ZNF704: variants seen among roughly 807,000 people sequenced by gnomAD.
The protein encoded by ZNF704 is zinc finger protein 704.
In ZNF704, 10 loss-of-function variants were observed where a neutral mutation model predicts 44.7. That is an observed-to-expected ratio of 0.22 (90% CI 0.14 to 0.38). The LOEUF (loss-of-function observed/expected upper bound fraction) is 0.38. Among genes scored for constraint, ZNF704 ranks in the 10% least tolerant of loss-of-function variants. ZNF704 has a pLI of 1.00. For synonymous variants in ZNF704, 211 were observed against 207.6 expected (o/e 1.02, Z -0.14); for missense variants, 390 against 545.5 (o/e 0.71, Z 2.84).
At chr8:80,836,614 A>C (rs1445931248) in intron 1 of ZNF704, among the ~76,000 whole-genome samples, 1 of 151,916 alleles carries the variant, frequency 6.6e-6, no homozygotes, top group African/African-American at 2.4e-5. Flanking sequence ...CCGTCTCTAC[A>C]AAAAATTAAA....
intron 5 of ZNF704, among the ~76,000 whole-genome samples, chr8:80,670,282 T>G (rs998801332): frequency 6.6e-6 from 1 of 152,206 alleles, no homozygotes; most frequent in East Asian, 1.9e-4. Context: ...AGTGACTCAG[T>G]AAGTGAACTA....
upstream of ZNF704, among the ~76,000 whole-genome samples, chr8:80,876,166 C>A (rs1809354079): frequency 6.6e-6 from 1 of 152,186 alleles, no homozygotes; most frequent in African/African-American, 2.4e-5. Flanking sequence ...CCTCAGATGC[C>A]ACCACCAGAT....
intron 1 of ZNF704, among the ~76,000 whole-genome samples, chr8:80,831,056 G>C (rs1808464994): frequency 1.3e-5 from 2 of 152,100 alleles, no homozygotes; most frequent in African/African-American, 4.8e-5. Context: ...ACCCGGCCTA[G>C]AGGGTGTATT....
At chr8:80,648,019 T>C (rs979324521) in intron 7 of ZNF704, among the ~76,000 whole-genome samples, 6 of 152,188 alleles carry the variant, frequency 3.9e-5, no homozygotes, top group African/African-American at 9.7e-5. Context: ...GCCTTCTCGC[T>C]GTGTCATCCC....
chr8:80,682,092 T>G (rs1214865217), intron 4 of ZNF704, among the ~76,000 whole-genome samples: 1 of 152,220 alleles, frequency 6.6e-6, no homozygotes, highest in African/African-American at 2.4e-5. Context: ...ACAGCCGTTC[T>G]TTTTGCAAGA....
At chr8:80,661,248 G>C (rs1051585220) in intron 6 of ZNF704, among the ~76,000 whole-genome samples, 7 of 152,026 alleles carry the variant, frequency 4.6e-5, no homozygotes, top group African/African-American at 1.7e-4. Context: ...ATGAAGTATC[G>C]TCTCACCCTA....
intron 2 of ZNF704, among the ~76,000 whole-genome samples, chr8:80,807,203 C>T (rs1194814940): frequency 2.0e-5 from 3 of 152,096 alleles, no homozygotes; most frequent in African/African-American, 7.2e-5. Context: ...ACATCATGCA[C>T]ATCAATAACA....
chr8:80,825,495 C>T lies in ZNF704; in HGVS notation c.-21-3880G>A, dbSNP rs1285600462. On this transcript the variant is annotated intron_variant, in intron 1 of 8. Transcript: ENST00000327835. ...AATAATGGGAGACTTTAACACCCCA[C>T]TGTCAATGTTAGACAGATCAACAAG... is the stretch of plus-strand genomic sequence containing the variant. Among the ~76,000 whole-genome samples the T allele has an allele frequency of 2.0e-5, 3 of 152,306 alleles. No individual in the cohort carries two copies. The East Asian group carries it at 5.8e-4, about 29-fold the overall frequency.
At chr8:80,833,576 C>T (rs142969265) in intron 1 of ZNF704, among the ~76,000 whole-genome samples, 13 of 152,328 alleles carry the variant, frequency 8.5e-5, no homozygotes, top group African/African-American at 7.2e-5. Flanking sequence ...ACAATTGCTT[C>T]CAATTACTAG....
At chr8:80,728,194 T>C (rs1446940494) in intron 2 of ZNF704, among the ~76,000 whole-genome samples, 2 of 152,180 alleles carry the variant, frequency 1.3e-5, no homozygotes, top group African/African-American at 2.4e-5. Context: ...AAAGTAGTCA[T>C]TGCCACCTCC....
intron 2 of ZNF704, among the ~76,000 whole-genome samples, chr8:80,736,525 G>A (rs770890897): frequency 6.6e-6 from 1 of 152,072 alleles, no homozygotes; most frequent in Non-Finnish European, 1.5e-5. Flanking sequence ...TGATCCACCC[G>A]CCTAAGCCTC....
At chr8:80,798,866 G>A (rs1807853030) in intron 2 of ZNF704, among the ~76,000 whole-genome samples, 1 of 152,200 alleles carries the variant, frequency 6.6e-6, no homozygotes, top group Non-Finnish European at 1.5e-5. Context: ...ATTTCTTACA[G>A]TTATGGAGGC....
chr8:80,692,221 A>T (rs2131636700), intron 3 of ZNF704, among the ~76,000 whole-genome samples: 1 of 152,304 alleles, frequency 6.6e-6, no homozygotes, highest in Non-Finnish European at 1.5e-5. Flanking sequence ...TATGAGACAA[A>T]ATCATATCAT....
Position 80,670,559 on chromosome 8 carries a change from C to A in ZNF704, c.603G>T (p.Gly201=). 1.2e-6 allele frequency: 2 copies of A among 1,613,994 alleles called. No homozygotes were observed. The highest frequency in any genetic ancestry group is 1.7e-6 in the Non-Finnish European group (2 of 1,179,898). The change falls in exon 5 of 9, where the codon GGG becomes GGT. Residue 201 remains glycine (G), a synonymous_variant. Transcript: ENST00000327835. ...TACCTGCTGCAGTGCTCAGCACCTT[C>A]CCACAGTTTTTCCAGAGGCATTTGA... The part of the protein sequence containing the change: ...VMFKCLWKNC[G]KVLSTAAGIQ...
rs146371013 is a variant in ZNF704 at position 80,686,194 on chromosome 8, T to C, written c.558+1032A>G. ...GGCAGATCTGGGTTTGAATGGTGGC[T>C]CTGTCCCTTTCTAACCTGCCTGACA... is the stretch of plus-strand genomic sequence containing the variant. On this transcript the variant is annotated intron_variant, in intron 4 of 8. Coordinates refer to ENST00000327835, the MANE Select transcript of ZNF704 (RefSeq NM_001033723.3). Among the ~76,000 whole-genome samples, 402 of 152,298 alleles carry C rather than the reference T, an allele frequency of 2.6e-3. 3 individuals are homozygous for C. The highest frequency in any genetic ancestry group is 9.2e-3 in the African/African-American group (383 of 41,562).
intron 2 of ZNF704, among the ~76,000 whole-genome samples, chr8:80,777,331 T>C (rs747106274): frequency 1.3e-5 from 2 of 152,196 alleles, no homozygotes; most frequent in African/African-American, 4.8e-5. Flanking sequence ...GTTAAATGAA[T>C]AGTGAATCTG....
chr8:80,873,991 G>C (rs1809310256), intron 1 of ZNF704, among the ~76,000 whole-genome samples: 2 of 146,224 alleles, frequency 1.4e-5, no homozygotes, highest in Admixed American at 6.8e-5. Flanking sequence ...GCAGCGCGGC[G>C]CCCCCCCGGC....
At chr8:80,744,508 A>G (rs1286668061) in intron 2 of ZNF704, among the ~76,000 whole-genome samples, 1 of 152,218 alleles carries the variant, frequency 6.6e-6, no homozygotes, top group Non-Finnish European at 1.5e-5. Context: ...TCATGAAAAT[A>G]AAGGGCTCAG....
At chr8:80,760,538 C>T (rs1244350485) in intron 2 of ZNF704, among the ~76,000 whole-genome samples, 1 of 151,682 alleles carries the variant, frequency 6.6e-6, no homozygotes, top group African/African-American at 2.4e-5. Context: ...CGCCTGTAGT[C>T]CCAGCTACTC....
Sources: gnomAD v4.1 joint callset for allele counts (sites outside exome capture counted in the v4.1 genomes callset) on GRCh38, gnomAD v4.1.1 for gene constraint, MANE v1.5 for transcripts, NCBI Gene and HGNC (gene_info 2026-07-23, HGNC 2026-07-21) for gene names.